HTR2C: variants seen among roughly 807,000 people sequenced by gnomAD.
HTR2C encodes the protein 5-hydroxytryptamine (serotonin) receptor 2C, G protein-coupled.
HTR2C carries 5 observed loss-of-function variants against 21.0 expected under a neutral mutation model. The ratio of observed to expected loss-of-function variants is 0.24; its 90% CI spans 0.12 to 0.50. The LOEUF is 0.50. Ranked by LOEUF, HTR2C falls within the 20% of genes least tolerant of loss-of-function variation. The pLI is 0.98. For synonymous variants in HTR2C, 150 were observed against 145.3 expected, an observed-to-expected ratio of 1.03 and a Z score of -0.23; for missense variants, 271 against 371.2, an observed-to-expected ratio of 0.73 and a Z score of 2.22.
rs181662444 is a variant in HTR2C at position 114,851,072 on chromosome X, T to C, written c.550+2869T>C. 3.7e-3 allele frequency among the ~76,000 whole-genome samples: 411 copies of C among 111,848 alleles called. 4 individuals carry two copies. Among genetic ancestry groups the C allele is most frequent in the African/African-American group, 0.013 (396 of 30,835 alleles). On this transcript the variant is annotated intron_variant, in intron 5 of 5. Coordinates refer to ENST00000276198, the MANE Select transcript of HTR2C (RefSeq NM_000868.4). Reference sequence around the variant, plus strand: ...GGTAATAAATTTGTATGTACATAATTATATGTAGATACATATGTAATATAC... The same window carrying C: ...GGTAATAAATTTGTATGTACATAATCATATGTAGATACATATGTAATATAC...
chrX:114,748,160 T>C (rs2069723603), intron 4 of HTR2C, among the ~76,000 whole-genome samples: 1 of 112,015 alleles, frequency 8.9e-6, no homozygotes, highest in Non-Finnish European at 1.9e-5. Flanking sequence ...AAGAGTACCA[T>C]TTATAATATC....
At chrX:114,778,958 A>AT (rs2070087959) in intron 4 of HTR2C, among the ~76,000 whole-genome samples, 11 of 110,385 alleles carry the variant, frequency 1.0e-4, no homozygotes, top group Admixed American at 7.8e-4. Flanking sequence ...ATGAAGAATA[A>AT]ATATATATAG....
intron 1 of HTR2C, among the ~76,000 whole-genome samples, chrX:114,600,219 C>A (rs192746108): frequency 2.7e-5 from 3 of 112,352 alleles, no homozygotes; most frequent in African/African-American, 9.7e-5. Flanking sequence ...AGCCAAGATT[C>A]AAACCCATAT....
chrX:114,816,729 A>G (rs1363002324), intron 4 of HTR2C, among the ~76,000 whole-genome samples: 2 of 110,992 alleles, frequency 1.8e-5, no homozygotes, highest in African/African-American at 3.3e-5. Context: ...GCATAAAAAA[A>G]TTACAGCAAT....
chrX:114,813,455 T>C (rs2070554086), intron 4 of HTR2C, among the ~76,000 whole-genome samples: 2 of 112,007 alleles, frequency 1.8e-5, no homozygotes, highest in African/African-American at 6.5e-5. Context: ...GTGTCTTCAA[T>C]AGTGTTGATA....
At chrX:114,864,067 C>CT (rs35791750) in intron 5 of HTR2C, among the ~76,000 whole-genome samples, 8 of 102,890 alleles carry the variant, frequency 7.8e-5, no homozygotes, top group African/African-American at 1.8e-4. Flanking sequence ...ATAGTTGGCT[C>CT]TTTTTTTTTT....
intron 2 of HTR2C, among the ~76,000 whole-genome samples, chrX:114,722,467 C>T (rs1442326496): frequency 9.0e-6 from 1 of 111,246 alleles, no homozygotes; most frequent in Non-Finnish European, 1.9e-5. Context: ...CAAACAGGGA[C>T]AATTTGACGT....
chrX:114,703,598 A>G (rs1932640651), intron 2 of HTR2C, among the ~76,000 whole-genome samples: 1 of 112,147 alleles, frequency 8.9e-6, no homozygotes, highest in South Asian at 3.7e-4. Context: ...AATGCCCACA[A>G]GAGAAAGCAG....
chrX:114,786,562 C>A (rs1556442167), intron 4 of HTR2C, among the ~76,000 whole-genome samples: 2 of 111,538 alleles, frequency 1.8e-5, no homozygotes, highest in African/African-American at 6.5e-5. Context: ...CAGAGGTAAC[C>A]ACTTAATTGT....
chrX:114,838,190 A>T (rs2070804129), intron 4 of HTR2C, among the ~76,000 whole-genome samples: 1 of 111,787 alleles, frequency 8.9e-6, no homozygotes, highest in East Asian at 2.8e-4. Context: ...TGAATCTATA[A>T]TAATGAATGC....
chrX:114,669,441 A>G (rs1239586893), intron 2 of HTR2C, among the ~76,000 whole-genome samples: 11 of 111,903 alleles, frequency 9.8e-5, no homozygotes, highest in African/African-American at 2.9e-4. Flanking sequence ...CCCTTCGTCT[A>G]TTACTTAGAA....
intron 5 of HTR2C, among the ~76,000 whole-genome samples, chrX:114,892,031 C>G (rs1341877826): frequency 9.0e-6 from 1 of 111,012 alleles, no homozygotes; most frequent in African/African-American, 3.3e-5. Flanking sequence ...GATTAAACCC[C>G]CATCTGATCA....
intron 2 of HTR2C, among the ~76,000 whole-genome samples, chrX:114,635,628 A>C (rs962273902): frequency 1.8e-5 from 2 of 111,750 alleles, no homozygotes; most frequent in Non-Finnish European, 3.8e-5. Flanking sequence ...TCCATTCATC[A>C]GTTTTTTTAT....
intron 2 of HTR2C, among the ~76,000 whole-genome samples, chrX:114,719,044 T>G (rs1556420253): frequency 9.7e-6 from 1 of 103,524 alleles, no homozygotes; most frequent in Admixed American, 1.1e-4. Context: ...ATAATAATAT[T>G]AATAATATAA....
chrX:114,611,103 A>G (rs1355290793), intron 1 of HTR2C, among the ~76,000 whole-genome samples: 1 of 112,112 alleles, frequency 8.9e-6, no homozygotes, highest in Non-Finnish European at 1.9e-5. Flanking sequence ...AAATATCTCA[A>G]TCTTCCCCTA....
intron 4 of HTR2C, among the ~76,000 whole-genome samples, chrX:114,838,900 C>T (rs782456744): frequency 1.8e-5 from 2 of 112,159 alleles, no homozygotes; most frequent in Non-Finnish European, 3.8e-5. Flanking sequence ...ACAGAATTCT[C>T]CACATAGTGA....
intron 1 of HTR2C, among the ~76,000 whole-genome samples, chrX:114,609,163 TAAATA>T (rs1191726753): frequency 1.8e-5 from 2 of 111,431 alleles, no homozygotes; most frequent in African/African-American, 6.5e-5. Context: ...AAAAAAACAG[TAAATA>T]AAATCGGAAT....
intron 2 of HTR2C, among the ~76,000 whole-genome samples, chrX:114,724,730 G>C (rs1328361614): frequency 9.3e-6 from 1 of 107,591 alleles, no homozygotes; most frequent in Non-Finnish European, 1.9e-5. Flanking sequence ...AAGTCTCTCA[G>C]CATTTGCTTG....
At chrX:114,682,163 C>A (rs1330084304) in intron 2 of HTR2C, among the ~76,000 whole-genome samples, 2 of 110,970 alleles carry the variant, frequency 1.8e-5, no homozygotes, top group Admixed American at 9.7e-5. Flanking sequence ...TAGGAAATTT[C>A]TTTAACAGGC....
Sources: allele counts gnomAD v4.1 joint callset (sites outside exome capture counted in the v4.1 genomes callset), GRCh38; gene constraint gnomAD v4.1.1; transcripts MANE v1.5; gene names NCBI Gene and HGNC (gene_info 2026-07-23, HGNC 2026-07-21).